The following SPACA6 variants were observed in gnomAD, a reference collection of about 807,000 sequenced individuals.
The protein encoded by SPACA6 is sperm acrosome membrane-associated protein 6.
For synonymous variants in SPACA6, 6 were observed against 1.5 expected, an observed-to-expected ratio of 4.05 and a Z score of -2.21; for missense variants, 8 against 2.8, an observed-to-expected ratio of 2.88 and a Z score of -1.34.
chr19:51,709,523 A>G (rs1384683724), downstream of SPACA6, among the ~76,000 whole-genome samples: 1 of 146,066 alleles, frequency 6.8e-6, no homozygotes, highest in Non-Finnish European at 1.5e-5. Context: ...ATCTCAGGAA[A>G]AAAAAGGCAA....
At position 51,693,335 on chromosome 19, in the gene SPACA6, TG is replaced by T. The variant is rs2083392006; in HGVS notation, c.-190del. 1 of 749,544 alleles carries T rather than the reference TG, an allele frequency of 1.3e-6. No individual in the cohort carries two copies. Among genetic ancestry groups the T allele is most frequent in the Non-Finnish European group, 2.5e-6 (1 of 399,354 alleles). 46.4% of individuals were successfully genotyped at this position (749,544 alleles called of 1,614,324 possible). On this transcript the variant is annotated 5_prime_UTR_variant, in exon 1 of 9. Coordinates refer to ENST00000637797, the MANE Select transcript of SPACA6 (RefSeq NM_001316972.2). ...GTGAGGTTCTTGGGAGCCTGGCGTC[TG>T]GCCCAACCACACACCTGGGGAATTG...
At position 51,703,175 on chromosome 19, in the gene SPACA6, GGCGAGGCCAGACGTGGTCGGGGCCCA is replaced by G. The variant is rs2083483289; in HGVS notation, c.464-47_464-22del. ...AGAGCACCGAGGGGCATAAGCTGGT[GGCGAGGCCAGACGTGGTCGGGGCCCA>G]GCGAGTGAACCCTGCTCCGTCTTCA... On this transcript the variant is annotated intron_variant, in intron 5 of 8. Transcript: ENST00000637797. This position sits in a 1 kb window ranked among gnomAD's most constrained non-coding sequence, Gnocchi z 4.2. The G allele has an allele frequency of 2.5e-6, 1 of 399,434 alleles. No individual in the cohort carries two copies. The highest frequency in any genetic ancestry group is 2.1e-5 in the African/African-American group (1 of 48,646). 24.7% of individuals were successfully genotyped at this position (399,434 alleles called of 1,614,324 possible). A position where few individuals can be genotyped will look rare whatever the true frequency, so the allele number is the denominator to read the frequency against.
Position 51,693,373 on chromosome 19 carries a change from T to TCTGACCCCTGACTC in SPACA6, c.-151_-138dup. ...CACCTGGGGAATTGCTGGCCTGACT[T>TCTGACCCCTGACTC]CTGACCCCTGACTCCTCATACCCTT... is the stretch of plus-strand genomic sequence containing the variant. On this transcript the variant is annotated 5_prime_UTR_variant, in exon 1 of 9. Coordinates refer to ENST00000637797, the MANE Select transcript of SPACA6 (RefSeq NM_001316972.2). The TCTGACCCCTGACTC allele has an allele frequency of 2.8e-6, 2 of 713,674 alleles. No homozygotes were observed. Among genetic ancestry groups the TCTGACCCCTGACTC allele is most frequent in the Non-Finnish European group, 2.7e-6 (1 of 377,142 alleles). 44.2% of individuals were successfully genotyped at this position (713,674 alleles called of 1,614,324 possible). A position where few individuals can be genotyped will look rare whatever the true frequency, so the allele number is the denominator to read the frequency against.
At chr19:51,705,319 G>A (rs1214488919), downstream of SPACA6, 2 of 384,540 alleles carry the variant, frequency 5.2e-6, no homozygotes, top group African/African-American at 2.1e-5. Context: ...GTGCAAGTTA[G>A]GTGGGAACCC....
At chr19:51,692,588 C>T (rs763413703), upstream of SPACA6, 13 of 517,262 alleles carry the variant, frequency 2.5e-5, no homozygotes, top group South Asian at 1.0e-4. This position sits in a 1 kb window ranked among gnomAD's most constrained non-coding sequence, Gnocchi z 5.6. Flanking sequence ...GAGGAGGGGC[C>T]GGGGGCCCGG....
Position 51,703,396 on chromosome 19 carries a change from G to T in SPACA6, c.573+59G>T. 2 of 399,012 alleles carry T rather than the reference G, an allele frequency of 5.0e-6. No individual in the cohort carries two copies. The highest frequency in any genetic ancestry group is 8.9e-6 in the Non-Finnish European group (2 of 225,946). 24.7% of individuals were successfully genotyped at this position (399,012 alleles called of 1,614,324 possible). The stretch of plus-strand genomic sequence containing the variant: ...GACGGGCGAGTTAGCCTTCACTAGA[G>T]GTTGGGGAGTCAGCTTGCGGGGACG... On this transcript the variant is annotated intron_variant, in intron 6 of 8. Coordinates refer to ENST00000637797, the MANE Select transcript of SPACA6 (RefSeq NM_001316972.2). The surrounding 1 kb of genome is among the most constrained non-coding windows in gnomAD (Gnocchi z 4.2).
chr19:51,690,833 CCCT>C (rs920401806), upstream of SPACA6, among the ~76,000 whole-genome samples: 3 of 152,006 alleles, frequency 2.0e-5, no homozygotes, highest in African/African-American at 7.2e-5. Flanking sequence ...TCTCCCCTCA[CCCT>C]CCTCCTCAGG....
downstream of SPACA6, among the ~76,000 whole-genome samples, chr19:51,705,985 CAA>C (rs2083514152): frequency 2.6e-5 from 4 of 152,282 alleles, no homozygotes; most frequent in African/African-American, 9.6e-5. Context: ...CGTGAGCCAC[CAA>C]GCCCGGCCAA....
At chr19:51,697,556 G>T (rs1297812459) in intron 2 of SPACA6, among the ~76,000 whole-genome samples, 2 of 152,144 alleles carry the variant, frequency 1.3e-5, no homozygotes, top group Non-Finnish European at 2.9e-5. Flanking sequence ...GGCTCTTCTG[G>T]ACAAGAACAG....
chr19:51,706,246 A>G (rs16982947), downstream of SPACA6, among the ~76,000 whole-genome samples: 14,659 of 151,876 alleles, frequency 0.097, 1,036 homozygotes, highest in African/African-American at 0.2. Flanking sequence ...TGCCCTCTCT[A>G]GGGTCTTGGT....
chr19:51,689,459 G>C (rs906485196), upstream of SPACA6: 5 of 152,416 alleles, frequency 3.3e-5, no homozygotes, highest in African/African-American at 1.2e-4. Context: ...GGAGGAAGGG[G>C]AGAGGCCGCC....
Position 51,704,253 on chromosome 19 carries a change from C to G in SPACA6, c.731-17C>G, listed in dbSNP as rs1383880049. 3.5e-5 allele frequency: 14 copies of G among 400,602 alleles called. No homozygotes were observed. The highest frequency in any genetic ancestry group is 4.0e-5 in the Non-Finnish European group (9 of 225,966). The allele number at this position is 400,602 out of a possible 1,614,324, so 24.8% of individuals were successfully genotyped here. A position where few individuals can be genotyped will look rare whatever the true frequency, so the allele number is the denominator to read the frequency against. On this transcript the variant is annotated splice_polypyrimidine_tract_variant and intron_variant, in intron 7 of 8. Coordinates refer to ENST00000637797, the MANE Select transcript of SPACA6 (RefSeq NM_001316972.2). ...AGGGGTGGGGCTCGTGCCTGGCTGACGTGCGCGCCCCCGCAGTGACGGGCC... is the reference window on the plus strand; with the variant it reads ...AGGGGTGGGGCTCGTGCCTGGCTGAGGTGCGCGCCCCCGCAGTGACGGGCC...
At chr19:51,704,690 G>A (rs1434795253) in intron 8 of SPACA6, 2 of 389,894 alleles carry the variant, frequency 5.1e-6, no homozygotes, top group Non-Finnish European at 8.9e-6. Flanking sequence ...TAAGAGTCCA[G>A]GCCCCCAGCC....
At chr19:51,708,283 G>A (rs1407359133), downstream of SPACA6, among the ~76,000 whole-genome samples, 2 of 152,196 alleles carry the variant, frequency 1.3e-5, no homozygotes, top group Admixed American at 1.3e-4. Flanking sequence ...GAAAGTACAA[G>A]GGTATAAGAC....
upstream of SPACA6, chr19:51,688,496 C>T (rs1395459044): frequency 1.3e-5 from 2 of 152,428 alleles, no homozygotes; most frequent in African/African-American, 4.8e-5. Flanking sequence ...AGACTGTGAG[C>T]TCCATCTGCA....
upstream of SPACA6, among the ~76,000 whole-genome samples, chr19:51,684,657 A>G (rs974206672): frequency 7.9e-5 from 12 of 152,158 alleles, 1 homozygote; most frequent in Admixed American, 4.6e-4. Flanking sequence ...AACTGGAAGA[A>G]TTGTCTTGGG....
At chr19:51,709,230 A>AC, downstream of SPACA6, among the ~76,000 whole-genome samples, 1 of 151,608 alleles carries the variant, frequency 6.6e-6, no homozygotes, top group East Asian at 1.9e-4. Flanking sequence ...AAAAAAAAAA[A>AC]AAAAGAGCAA....
In SPACA6 at chr19:51,704,456, C is replaced by G. The variant is rs1425707482; in HGVS notation, c.917C>G (p.Ser306Ter). Reference sequence around the variant, plus strand: ...CTTGCAGTCCTCGGGGCCCTCGCATCAGCGAGTGCGACAGTGTTGGCGTGG... The same window carrying G: ...CTTGCAGTCCTCGGGGCCCTCGCATGAGCGAGTGCGACAGTGTTGGCGTGG... ...FLLAVLGALA[S>*]ASATVLAWMF... Residue 306 changes from serine (S) to a stop codon, truncating the protein, a stop_gained, in exon 8 of 9, where the codon TCA (serine) becomes TGA (stop). Coordinates refer to ENST00000637797, the MANE Select transcript of SPACA6 (RefSeq NM_001316972.2). LOFTEE classifies it high-confidence loss of function. 2 of 401,086 alleles carry G rather than the reference C, an allele frequency of 5.0e-6. No homozygotes were observed. Among genetic ancestry groups the G allele is most frequent in the Admixed American group, 4.4e-5 (1 of 22,718 alleles). The allele number at this position is 401,086 out of a possible 1,614,324, so 24.8% of individuals were successfully genotyped here.
intron 3 of SPACA6, 174 bp downstream of exon 3, chr19:51,701,900 C>T (rs2083471259): frequency 2.8e-6 from 1 of 358,634 alleles, no homozygotes; most frequent in Non-Finnish European, 5.0e-6. Context: ...TGGTGATACC[C>T]ATATCTACTA....
Sources: gnomAD v4.1 joint callset for allele counts (sites outside exome capture counted in the v4.1 genomes callset) on GRCh38, gnomAD v4.1.1 for gene constraint, Gnocchi (gnomAD v3.1) non-coding constraint, MANE v1.5 for transcripts, NCBI Gene and HGNC (gene_info 2026-07-23, HGNC 2026-07-21) for gene names.